Variants in HSDL2 observed in about 807,000 individuals in gnomAD.
HSDL2 encodes hydroxysteroid dehydrogenase like 2, also known as hydroxysteroid dehydrogenase-like protein 2.
In HSDL2, 27 loss-of-function variants were observed where a neutral mutation model predicts 46.3. The ratio of observed to expected loss-of-function variants is 0.58; its 90% CI spans 0.43 to 0.80. The LOEUF (loss-of-function observed/expected upper bound fraction) is 0.80. HSDL2 is among the 30% of genes least tolerant of loss of function. The pLI is 0.00. For synonymous variants in HSDL2, 153 were observed against 163.6 expected, an observed-to-expected ratio of 0.94 and a Z score of 0.50; for missense variants, 451 against 502.7, an observed-to-expected ratio of 0.90 and a Z score of 0.98.
rs182902961 is a variant in HSDL2, at chr9:112,402,102, T to A, written c.18-1893T>A. Among the ~76,000 whole-genome samples the A allele has an allele frequency of 6.1e-3, 926 of 152,344 alleles. 11 individuals carry two copies. Among genetic ancestry groups the A allele is most frequent in the African/African-American group, 0.02 (850 of 41,572 alleles). On this transcript the variant is annotated intron_variant, in intron 1 of 10. Coordinates refer to ENST00000398805, the MANE Select transcript of HSDL2 (RefSeq NM_032303.5). ...GGTCATCCCTTTTTCTTTGTCATTG[T>A]CACTTTTGCTCTTCTTTCTCCATTC...
At position 112,459,260 on chromosome 9, in the gene HSDL2, AAG is replaced by A. The variant is rs371639154; in HGVS notation, c.1016-186_1016-185del. Among the ~76,000 whole-genome samples, 225 of 152,300 alleles carry A rather than the reference AAG, an allele frequency of 1.5e-3. 1 individual carries two copies. Among genetic ancestry groups the A allele is most frequent in the African/African-American group, 5.1e-3 (211 of 41,562 alleles). The stretch of plus-strand genomic sequence containing the variant: ...TAGAACCATGGTTTTCTTTTTATTG[AAG>A]AGTCTTCAGAGCCTAGCAGAATACC... On this transcript the variant is annotated intron_variant, in intron 9 of 10. Coordinates refer to ENST00000398805, the MANE Select transcript of HSDL2 (RefSeq NM_032303.5).
chr9:112,424,476 A>T (rs919214179), intron 6 of HSDL2, among the ~76,000 whole-genome samples: 3 of 152,100 alleles, frequency 2.0e-5, no homozygotes, highest in Non-Finnish European at 4.4e-5. Context: ...GTAATAATAT[A>T]ATCTATAATA....
chr9:112,436,239 T>C, intron 6 of HSDL2, among the ~76,000 whole-genome samples: 1 of 97,674 alleles, frequency 1.0e-5, no homozygotes, highest in Non-Finnish European at 1.8e-5. Context: ...TGAGACCCTA[T>C]CTCAAAAAAA....
chr9:112,407,436 A>C (rs1010367721), intron 3 of HSDL2, among the ~76,000 whole-genome samples: 1 of 151,734 alleles, frequency 6.6e-6, no homozygotes. Context: ...TTCTTCTTTG[A>C]AACAGGGTCT....
At chr9:112,386,892 G>A (rs1831229800) in intron 1 of HSDL2, among the ~76,000 whole-genome samples, 1 of 152,168 alleles carries the variant, frequency 6.6e-6, no homozygotes, top group East Asian at 1.9e-4. Context: ...TCCACTACAG[G>A]ACATATGATG....
At chr9:112,401,280 G>A (rs1038644736) in intron 1 of HSDL2, among the ~76,000 whole-genome samples, 2 of 151,934 alleles carry the variant, frequency 1.3e-5, no homozygotes, top group Non-Finnish European at 1.5e-5. Context: ...GTGACATAGT[G>A]AGACCTTGTT....
intron 1 of HSDL2, among the ~76,000 whole-genome samples, chr9:112,401,587 A>G (rs1831595800): frequency 6.6e-6 from 1 of 152,054 alleles, no homozygotes; most frequent in South Asian, 2.1e-4. Context: ...ACACACAGAC[A>G]GGTGGTGGGT....
intron 3 of HSDL2, among the ~76,000 whole-genome samples, chr9:112,408,666 C>T (rs921554916): frequency 2.6e-5 from 4 of 151,946 alleles, no homozygotes; most frequent in South Asian, 2.1e-4. Flanking sequence ...CTACTGTAGG[C>T]GTTTGTAACA....
At chr9:112,409,482 T>C (rs1159203370) in intron 4 of HSDL2, among the ~76,000 whole-genome samples, 2 of 152,160 alleles carry the variant, frequency 1.3e-5, no homozygotes, top group Non-Finnish European at 2.9e-5. Context: ...TGAGCCACCA[T>C]GCCCAGCCCG....
At position 112,443,554 on chromosome 9, in the gene HSDL2, C is replaced by A. The variant is rs574089718; in HGVS notation, c.865+1784C>A. Reference sequence around the variant, plus strand: ...CTTAGTCTGGGCAACATGGTGAGACCCTGTCTCTACAAAAAAATAAAAAAA... The same window carrying A: ...CTTAGTCTGGGCAACATGGTGAGACACTGTCTCTACAAAAAAATAAAAAAA... On this transcript the variant is annotated intron_variant, in intron 8 of 10. Transcript: ENST00000398805. Among the ~76,000 whole-genome samples, 3 of 152,044 alleles carry A rather than the reference C, an allele frequency of 2.0e-5. No homozygotes were observed. In the East Asian group the frequency reaches 5.8e-4, roughly 29 times the overall value.
At chr9:112,390,065 AAAATAAATAAAT>A (rs55985147) in intron 1 of HSDL2, among the ~76,000 whole-genome samples, 14 of 143,254 alleles carry the variant, frequency 9.8e-5, no homozygotes, top group African/African-American at 2.3e-4. Flanking sequence ...ACTCTGTCTC[AAAATAAATAAAT>A]AAATAAATAA....
chr9:112,427,732 G>A (rs567832465), intron 6 of HSDL2, among the ~76,000 whole-genome samples: 12 of 152,060 alleles, frequency 7.9e-5, no homozygotes, highest in South Asian at 4.1e-4. Context: ...TCTCCCAGTC[G>A]TATCATTTAA....
At chr9:112,399,615 C>CCGTT (rs1179100816) in intron 1 of HSDL2, among the ~76,000 whole-genome samples, 1 of 152,102 alleles carries the variant, frequency 6.6e-6, no homozygotes, top group Non-Finnish European at 1.5e-5. Context: ...CCCAGAGTGG[C>CCGTT]CGTTTATAGA....
intron 10 of HSDL2, among the ~76,000 whole-genome samples, chr9:112,461,572 A>G (rs1345724076): frequency 1.3e-5 from 2 of 152,274 alleles, no homozygotes; most frequent in Non-Finnish European, 2.9e-5. Flanking sequence ...CTAAATGGAA[A>G]TAACAGTAAT....
intron 6 of HSDL2, among the ~76,000 whole-genome samples, chr9:112,423,781 T>TC (rs1466195311): frequency 6.6e-6 from 1 of 151,906 alleles, no homozygotes; most frequent in Non-Finnish European, 1.5e-5. Flanking sequence ...AGTGGCACAA[T>TC]TAGCTCACTG....
At chr9:112,431,965 C>T (rs1453681577) in intron 6 of HSDL2, among the ~76,000 whole-genome samples, 8 of 151,686 alleles carry the variant, frequency 5.3e-5, no homozygotes, top group African/African-American at 1.2e-4. Context: ...CTGCAACCTC[C>T]GCCTCCCAGG....
At chr9:112,403,888 T>G in intron 1 of HSDL2, 107 bp from the exon 2 acceptor site, 1 of 1,218,240 alleles carries the variant, frequency 8.2e-7, no homozygotes, top group Non-Finnish European at 1.2e-6. Context: ...TAGAGAAAAT[T>G]TCACAGAGGA....
chr9:112,415,117 A>G (rs1430039252), intron 4 of HSDL2, among the ~76,000 whole-genome samples: 2 of 152,202 alleles, frequency 1.3e-5, no homozygotes, highest in Non-Finnish European at 2.9e-5. Context: ...AGAAATATTG[A>G]ATCTGAATCT....
At chr9:112,380,662 G>A (rs556975989) in intron 1 of HSDL2, among the ~76,000 whole-genome samples, 15 of 152,024 alleles carry the variant, frequency 9.9e-5, no homozygotes, top group South Asian at 4.2e-4. Flanking sequence ...ATCTTTGGGG[G>A]ATTTTTTTTT....
Sources: allele counts gnomAD v4.1 joint callset (sites outside exome capture counted in the v4.1 genomes callset), GRCh38; gene constraint gnomAD v4.1.1; transcripts MANE v1.5; gene names NCBI Gene and HGNC (gene_info 2026-07-23, HGNC 2026-07-21).